MARK4: variants seen among roughly 807,000 people sequenced by gnomAD.
The protein encoded by MARK4 is microtubule affinity regulating kinase 4.
A neutral mutation model predicts 81.5 loss-of-function variants in MARK4; 19 were observed. The ratio of observed to expected loss-of-function variants is 0.23; its 90% CI spans 0.16 to 0.34. The LOEUF is 0.34. MARK4 is among the 10% of genes least tolerant of loss of function. The pLI is 1.00. For synonymous variants in MARK4, 436 were observed against 439.0 expected (o/e 0.99, Z 0.08); for missense variants, 772 against 1,058.8 (o/e 0.73, Z 3.76).
intron 15 of MARK4, chr19:45,298,294 C>A: frequency 6.7e-7 from 1 of 1,499,978 alleles, no homozygotes. Flanking sequence ...TGTGTGCGGG[C>A]ATTGGGAGGG....
At chr19:45,252,830 C>T (rs567404586) in intron 1 of MARK4, among the ~76,000 whole-genome samples, 20 of 152,248 alleles carry the variant, frequency 1.3e-4, no homozygotes, top group African/African-American at 4.8e-4. Context: ...CCAAGAAGTT[C>T]CTACCCCATA....
intron 4 of MARK4, among the ~76,000 whole-genome samples, chr19:45,264,153 GACA>G (rs1358877954): frequency 1.3e-5 from 2 of 152,156 alleles, no homozygotes; most frequent in Non-Finnish European, 2.9e-5. Context: ...CAACAGGGAA[GACA>G]ACAAGACACA....
chr19:45,263,423 T>G (rs1037337901), intron 4 of MARK4, 56 bp downstream of exon 4: 38 of 1,607,544 alleles, frequency 2.4e-5, no homozygotes, highest in Non-Finnish European at 3.1e-5. Context: ...TGCAAAGGAG[T>G]TGGGGGTGGT....
intron 7 of MARK4, among the ~76,000 whole-genome samples, chr19:45,266,491 G>A (rs345421): frequency 0.34 from 50,916 of 151,808 alleles, 9,406 homozygotes; most frequent in African/African-American, 0.47. Context: ...GCGGATGGGG[G>A]GGAGGGGACA....
rs760132221 is a variant in MARK4 at position 45,297,801 on chromosome 19, G to A, written c.1724G>A (p.Arg575Gln). 6 of 1,555,048 alleles carry A rather than the reference G, an allele frequency of 3.9e-6. No homozygotes were observed. Among genetic ancestry groups the A allele is most frequent in the Non-Finnish European group, 5.2e-6 (6 of 1,151,140 alleles). The change falls in exon 15 of 17, where the codon CGG becomes CAG. Residue 575 changes from arginine to glutamine, a missense_variant. Coordinates refer to ENST00000262891, the MANE Select transcript of MARK4 (RefSeq NM_001199867.2). ...IRSTFHGGQV[R>Q]DRRAGGGGGG... ...AGCACCTTCCATGGTGGCCAGGTCC[G>A]GGACCGGCGGGCAGGGGGTGGGGGT... is the stretch of plus-strand genomic sequence containing the variant.
Position 45,263,496 on chromosome 19 carries a change from C to T in MARK4, c.355+129C>T, listed in dbSNP as rs796727383. On this transcript the variant is annotated intron_variant, in intron 4 of 16. Coordinates refer to ENST00000262891, the MANE Select transcript of MARK4 (RefSeq NM_001199867.2). ...GTGGCTCACTCCTGTAATCCCAGCACTTAGGGAGGCCGAGGCGGGTGGATC... is the reference window on the plus strand; with the variant it reads ...GTGGCTCACTCCTGTAATCCCAGCATTTAGGGAGGCCGAGGCGGGTGGATC... 12 of 1,143,876 alleles carry T rather than the reference C, an allele frequency of 1.0e-5. 1 individual carries two copies. The African/African-American group carries it at 1.5e-4, about 15-fold the overall frequency. 70.9% of individuals were successfully genotyped at this position (1,143,876 alleles called of 1,614,324 possible).
chr19:45,267,548 C>G (rs1970472018), intron 7 of MARK4, among the ~76,000 whole-genome samples: 1 of 152,166 alleles, frequency 6.6e-6, no homozygotes, highest in Non-Finnish European at 1.5e-5. Flanking sequence ...AGGTGGCTGA[C>G]CGTTTGGTTG....
chr19:45,275,426 A>G (rs976614152), intron 8 of MARK4, among the ~76,000 whole-genome samples: 30 of 152,072 alleles, frequency 2.0e-4, no homozygotes, highest in Non-Finnish European at 1.2e-4. Context: ...TCCAGGCTAC[A>G]GCGAACTATG....
chr19:45,257,471 C>T (rs1024714212), intron 1 of MARK4, among the ~76,000 whole-genome samples: 11 of 149,182 alleles, frequency 7.4e-5, no homozygotes, highest in African/African-American at 2.7e-4. Flanking sequence ...GCAACCTCTG[C>T]CTCCCTGGTT....
intron 12 of MARK4, among the ~76,000 whole-genome samples, chr19:45,281,178 G>T (rs1045637025): frequency 6.6e-6 from 1 of 151,508 alleles, no homozygotes; most frequent in African/African-American, 2.4e-5. Flanking sequence ...TTAGGCTCCC[G>T]AGTAGCTGGG....
chr19:45,270,760 C>G (rs1026544563), intron 7 of MARK4, among the ~76,000 whole-genome samples: 1 of 151,854 alleles, frequency 6.6e-6, no homozygotes. Flanking sequence ...CCACCATGCC[C>G]GGCTAATTTT....
chr19:45,269,428 A>G (rs1376219351), intron 7 of MARK4, among the ~76,000 whole-genome samples: 3 of 152,140 alleles, frequency 2.0e-5, no homozygotes, highest in Admixed American at 1.3e-4. Flanking sequence ...AGATGCTATT[A>G]CATTCAGGTT....
intron 12 of MARK4, among the ~76,000 whole-genome samples, chr19:45,285,345 G>C (rs1010719358): frequency 4.6e-5 from 7 of 151,830 alleles, no homozygotes; most frequent in African/African-American, 1.7e-4. Context: ...TCAGGATGGA[G>C]CTCTGATATC....
At chr19:45,300,841 T>A (rs1970960385) in intron 16 of MARK4, among the ~76,000 whole-genome samples, 1 of 152,026 alleles carries the variant, frequency 6.6e-6, no homozygotes, top group Admixed American at 6.6e-5. Context: ...TCAGACCTGG[T>A]CATGTGGTCA....
At position 45,264,748 on chromosome 19, in the gene MARK4, T is replaced by C; in HGVS notation, c.420T>C (p.Ala140=). ...ACCTGGTGATGGAGTACGCAAGTGC[T>C]GGTGAGCCGCCCACCCTCTCCGCCC... ...TLYLVMEYAS[A]GEVFDYLVSH... The change falls in exon 5 of 17, where the codon GCT becomes GCC. Residue 140 remains alanine (A), a splice_region_variant and synonymous_variant. Transcript: ENST00000262891. 6.2e-7 allele frequency: 1 copy of C among 1,614,044 alleles called. No homozygotes were observed. Among genetic ancestry groups the C allele is most frequent in the Non-Finnish European group, 8.5e-7 (1 of 1,180,022 alleles).
In MARK4 at chr19:45,299,819, A is replaced by G; in HGVS notation, c.1886A>G (p.Asp629Gly). The G allele has an allele frequency of 6.2e-7, 1 of 1,605,638 alleles. No individual in the cohort carries two copies. Among genetic ancestry groups the G allele is most frequent in the Non-Finnish European group, 8.5e-7 (1 of 1,174,378 alleles). The change falls in exon 16 of 17, where the codon GAC (aspartate) becomes GGC (glycine). Residue 629 changes from aspartate (D) to glycine (G), a missense_variant. By Grantham distance (94) the Asp-to-Gly change is moderately conservative (BLOSUM62 -1). Coordinates refer to ENST00000262891, the MANE Select transcript of MARK4 (RefSeq NM_001199867.2). The part of the protein sequence containing the change: ...LTSKLTRRVA[D>G]EPERIGGPEV... ...CCCCTCCCCTCCCCTAGGGTCGCAGACGAACCTGAGAGAATCGGGGGACCT... is the reference window on the plus strand; with the variant it reads ...CCCCTCCCCTCCCCTAGGGTCGCAGGCGAACCTGAGAGAATCGGGGGACCT...
At chr19:45,289,215 C>A (rs1165672172) in intron 13 of MARK4, among the ~76,000 whole-genome samples, 2 of 151,734 alleles carry the variant, frequency 1.3e-5, no homozygotes, top group East Asian at 3.9e-4. Flanking sequence ...GGTGAAACCC[C>A]ATCTATACTA....
chr19:45,293,636 C>T (rs1970846964), intron 13 of MARK4, among the ~76,000 whole-genome samples: 3 of 152,232 alleles, frequency 2.0e-5, no homozygotes. Flanking sequence ...AGAAATAACA[C>T]TAACCTTAGA....
chr19:45,285,355 C>T (rs1185354863), intron 12 of MARK4, among the ~76,000 whole-genome samples: 2 of 151,548 alleles, frequency 1.3e-5, no homozygotes, highest in Admixed American at 6.6e-5. Context: ...GCTCTGATAT[C>T]GAGTCCAGTT....
Sources: allele counts gnomAD v4.1 joint callset (sites outside exome capture counted in the v4.1 genomes callset), GRCh38; gene constraint gnomAD v4.1.1; transcripts MANE v1.5; gene names NCBI Gene and HGNC (gene_info 2026-07-23, HGNC 2026-07-21).